Variants in PSG3 observed in about 807,000 individuals in gnomAD.
PSG3 encodes the protein pregnancy specific beta-1-glycoprotein 3.
Under a neutral mutation model 47.5 loss-of-function variants are expected in PSG3, and 61 were observed. The observed-to-expected ratio is 1.28, with a 90% CI of 1.05 to 1.59. PSG3 has a LOEUF of 1.59. Among genes scored for constraint, PSG3 ranks in the 40% most tolerant of loss-of-function variants. The pLI is 0.00. For missense variants in PSG3, 756 were observed against 524.0 expected (o/e 1.44, Z -4.32); for synonymous variants, 263 against 198.4 (o/e 1.33, Z -2.74).
In PSG3 at chr19:42,729,983, G is replaced by C; in HGVS notation, c.783C>G (p.Thr261=). ...TGTAGTTCTCACTCTTAGGTTCACA[G>C]GTGAAGGCTAAGACATCCTTATTCT... ...PRENKDVLAF[T]CEPKSENYTY... is the part of the protein sequence containing the mutation. Residue 261 remains threonine (T), a synonymous_variant, in exon 4 of 7, where the codon ACC becomes ACG. Coordinates refer to ENST00000327495, the MANE Select transcript of PSG3 (RefSeq NM_021016.4). 6.2e-7 allele frequency: 1 copy of C among 1,612,308 alleles called. No individual in the cohort carries two copies. The highest frequency in any genetic ancestry group is 8.5e-7 in the Non-Finnish European group (1 of 1,179,840).
In PSG3 at chr19:42,737,917, C is replaced by T. The variant is rs1324739650; in HGVS notation, c.430+807G>A. ...CACAGTCACGTGACCTAATTCTTGGCACAGTGGAGGTTTCACACAAACAGC... is the reference window on the plus strand; with the variant it reads ...CACAGTCACGTGACCTAATTCTTGGTACAGTGGAGGTTTCACACAAACAGC... On this transcript the variant is annotated intron_variant, in intron 2 of 6. Coordinates refer to ENST00000327495, the MANE Select transcript of PSG3 (RefSeq NM_021016.4). 2.0e-5 allele frequency among the ~76,000 whole-genome samples: 3 copies of T among 152,224 alleles called. No individual in the cohort carries two copies. The South Asian group carries it at 6.2e-4, about 32-fold the overall frequency.
At chr19:42,739,155 T>G (rs1969622756) in intron 1 of PSG3, 66 bp from the exon 2 acceptor site, 3 of 1,529,416 alleles carry the variant, frequency 2.0e-6, no homozygotes, top group Middle Eastern at 1.8e-4. Flanking sequence ...GATGTGGCCC[T>G]GGGTCCTGAG....
chr19:42,726,227 C>G (rs902373736), intron 5 of PSG3, among the ~76,000 whole-genome samples: 4 of 152,084 alleles, frequency 2.6e-5, no homozygotes, highest in African/African-American at 9.7e-5. Context: ...CCTGTATGAG[C>G]AGGAACAAGA....
chr19:42,739,710 A>G (rs1162683070), intron 1 of PSG3, among the ~76,000 whole-genome samples: 1 of 152,080 alleles, frequency 6.6e-6, no homozygotes. Context: ...TTTGCTGAGG[A>G]CAGTGTTTCA....
At chr19:42,730,838 T>C (rs1969461389) in intron 3 of PSG3, among the ~76,000 whole-genome samples, 1 of 152,222 alleles carries the variant, frequency 6.6e-6, no homozygotes, top group South Asian at 2.1e-4. Flanking sequence ...GTGAGGACCA[T>C]GTGGATCTTT....
At chr19:42,722,124 T>C (rs1055767506) in intron 6 of PSG3, 34 bp from the exon 7 acceptor site, 1 of 409,450 alleles carries the variant, frequency 2.4e-6, no homozygotes. Flanking sequence ...TGACTATGGT[T>C]AAAAATCTAA....
rs200117711 is a variant in PSG3, at chr19:42,738,805, C to A, written c.349G>T (p.Ala117Ser). 1.2e-6 allele frequency: 2 copies of A among 1,614,078 alleles called. No individual in the cohort carries two copies. The highest frequency in any genetic ancestry group is 1.3e-5 in the African/African-American group (1 of 75,010). Residue 117 changes from alanine (A) to serine (S), a missense_variant, in exon 2 of 7, where the codon GCA becomes TCA. Transcript: ENST00000327495. ...LLIQNVTRED[A>S]GSYTLHIVKR... is the part of the protein sequence containing the mutation. ...ACGATGTGTAAGGTGTAGGATCCTG[C>A]GTCCTCCCGGGTGACATTCTGGATC... is the stretch of plus-strand genomic sequence containing the variant.
intron 1 of PSG3, chr19:42,739,486 C>A (rs1256125872): frequency 4.9e-6 from 1 of 205,784 alleles, no homozygotes; most frequent in Non-Finnish European, 9.9e-6. Context: ...TCTGCTCCCT[C>A]CAGGGTTCTT....
chr19:42,737,322 G>T (rs958199826), intron 2 of PSG3, among the ~76,000 whole-genome samples: 3 of 152,096 alleles, frequency 2.0e-5, no homozygotes, highest in African/African-American at 7.2e-5. Flanking sequence ...AGAGGTTTTG[G>T]ATCATTCATT....
chr19:42,736,880 C>G (rs1969573162), intron 2 of PSG3, among the ~76,000 whole-genome samples: 1 of 152,074 alleles, frequency 6.6e-6, no homozygotes, highest in Non-Finnish European at 1.5e-5. Flanking sequence ...TTCCTATTTC[C>G]TGGGAGGTGG....
intron 6 of PSG3, among the ~76,000 whole-genome samples, chr19:42,722,718 G>A (rs1372545272): frequency 6.6e-6 from 1 of 152,068 alleles, no homozygotes; most frequent in Non-Finnish European, 1.5e-5. Flanking sequence ...TCTTGGTGTA[G>A]CCCATTCATA....
chr19:42,724,096 G>T, intron 5 of PSG3, 71 bp from the exon 6 acceptor site: 2 of 1,518,910 alleles, frequency 1.3e-6, no homozygotes, highest in Non-Finnish European at 1.8e-6. Flanking sequence ...TCAGGAACAA[G>T]CATGTAACAT....
chr19:42,723,181 A>G (rs941865483), intron 6 of PSG3, among the ~76,000 whole-genome samples: 2 of 152,184 alleles, frequency 1.3e-5, no homozygotes, highest in Non-Finnish European at 2.9e-5. Context: ...TCTCAACCAC[A>G]CATAGGTTGT....
At chr19:42,722,696 G>GGATT (rs1185978988) in intron 6 of PSG3, among the ~76,000 whole-genome samples, 45 of 152,104 alleles carry the variant, frequency 3.0e-4, no homozygotes, top group African/African-American at 9.9e-4. Flanking sequence ...TTTGTTAACT[G>GGATT]GATTACTGAG....
Position 42,740,320 on chromosome 19 carries a change from C to A in PSG3, c.64+1G>T. On this transcript the variant is annotated splice_donor_variant, in intron 1 of 6. Coordinates refer to ENST00000327495, the MANE Select transcript of PSG3 (RefSeq NM_021016.4). LOFTEE classifies it high-confidence loss of function. Reference sequence around the variant, plus strand: ...CCTCTCCCAGGAAGTTCTCTCCTCACCTGTGAGCAGGAGCCCCTTCCAGGT... The same window carrying A: ...CCTCTCCCAGGAAGTTCTCTCCTCAACTGTGAGCAGGAGCCCCTTCCAGGT... 6.2e-7 allele frequency: 1 copy of A among 1,613,960 alleles called. No individual in the cohort carries two copies. The highest frequency in any genetic ancestry group is 2.2e-5 in the East Asian group (1 of 44,876).
intron 2 of PSG3, among the ~76,000 whole-genome samples, chr19:42,736,530 A>T (rs1342069769): frequency 6.6e-6 from 1 of 152,090 alleles, no homozygotes; most frequent in African/African-American, 2.4e-5. Context: ...TGATTTGAGT[A>T]ATAATAAACC....
intron 1 of PSG3, chr19:42,739,429 C>A (rs552969907): frequency 3.4e-5 from 9 of 267,410 alleles, no homozygotes. Context: ...TCTTTCCTGA[C>A]GCCTCCTTCA....
chr19:42,723,851 A>G, intron 6 of PSG3, 91 bp downstream of exon 6: 1 of 993,680 alleles, frequency 1.0e-6, no homozygotes, highest in South Asian at 1.4e-5. Flanking sequence ...GAGGAGATCC[A>G]GTCCCAGATA....
At chr19:42,730,874 A>G (rs562333147) in intron 3 of PSG3, among the ~76,000 whole-genome samples, 1 of 152,360 alleles carries the variant, frequency 6.6e-6, no homozygotes, top group South Asian at 2.1e-4. Flanking sequence ...GACATTTGCA[A>G]ATGCAGCACT....
Sources: allele counts gnomAD v4.1 joint callset (sites outside exome capture counted in the v4.1 genomes callset), GRCh38; gene constraint gnomAD v4.1.1; transcripts MANE v1.5; gene names NCBI Gene and HGNC (gene_info 2026-07-23, HGNC 2026-07-21).